Variants in TRPM3 observed in about 807,000 individuals in gnomAD.
TRPM3 encodes the protein transient receptor potential cation channel subfamily M member 3.
In TRPM3, 77 loss-of-function variants were observed where a neutral mutation model predicts 181.2. The observed-to-expected ratio is 0.42, with a 90% CI of 0.35 to 0.51. The LOEUF (loss-of-function observed/expected upper bound fraction) is 0.51. Ranked by LOEUF, TRPM3 falls within the 20% of genes least tolerant of loss-of-function variation. The pLI is 0.01. For missense variants in TRPM3, 1,759 were observed against 2,196.7 expected, an observed-to-expected ratio of 0.80 and a Z score of 3.98; for synonymous variants, 745 against 796.4, an observed-to-expected ratio of 0.94 and a Z score of 1.09.
rs144019080 is a variant in TRPM3, at chr9:71,333,701, TG to T, written c.183+112951del. Among the ~76,000 whole-genome samples the T allele has an allele frequency of 7.8e-4, 119 of 152,010 alleles. 5 individuals carry two copies. Among genetic ancestry groups the T allele is most frequent in the African/African-American group, 2.8e-3 (116 of 41,470 alleles). ...ACAAGATAACTTGAGGGCAGTTTTG[TG>T]GGAGACTTAGAGCCAGAGGTCCAGT... On this transcript the variant is annotated intron_variant, in intron 1 of 24. Transcript: ENST00000357533.
intron 1 of TRPM3, among the ~76,000 whole-genome samples, chr9:71,307,939 C>A (rs922936579): frequency 6.6e-6 from 1 of 150,940 alleles, no homozygotes; most frequent in Non-Finnish European, 1.5e-5. Context: ...ATTACTGGAG[C>A]CTTTTATTAG....
At chr9:70,808,100 A>G (rs2091091232) in intron 6 of TRPM3, among the ~76,000 whole-genome samples, 1 of 152,200 alleles carries the variant, frequency 6.6e-6, no homozygotes, top group African/African-American at 2.4e-5. Flanking sequence ...CAGATGAAAA[A>G]TATGAAAGGT....
chr9:70,879,672 T>C (rs1314974854), intron 1 of TRPM3, among the ~76,000 whole-genome samples: 1 of 152,166 alleles, frequency 6.6e-6, no homozygotes, highest in Non-Finnish European at 1.5e-5. Flanking sequence ...ATAGATATTA[T>C]ACAGTTATCA....
Position 70,628,106 on chromosome 9 carries a change from C to G in TRPM3, c.1633-2589G>C, listed in dbSNP as rs530417850. On this transcript the variant is annotated intron_variant, in intron 12 of 25. Coordinates refer to ENST00000677713, the MANE Select transcript of TRPM3 (RefSeq NM_001366145.2). ...TCTCCATTATTTTGGGGCAGGCTAACAAGGCCACAGTTTCTGTATCCTTTG... is the reference window on the plus strand; with the variant it reads ...TCTCCATTATTTTGGGGCAGGCTAAGAAGGCCACAGTTTCTGTATCCTTTG... Among the ~76,000 whole-genome samples, 5 of 152,340 alleles carry G rather than the reference C, an allele frequency of 3.3e-5. No individual in the cohort carries two copies. In the South Asian group the frequency reaches 6.2e-4, roughly 19 times the overall value.
rs2040788461 is a variant in TRPM3, at chr9:70,530,888, C to T, written c.*5065G>A. 1 of 152,156 alleles carries T rather than the reference C, an allele frequency of 6.6e-6. No individual in the cohort carries two copies. The highest frequency in any genetic ancestry group is 2.4e-5 in the African/African-American group (1 of 41,438). 9.4% of individuals were successfully genotyped at this position (152,156 alleles called of 1,614,324 possible). ...CAAAACTGTGCAAATTGGCTCCTCT[C>T]TTTAACAGATGTTGAATGGCTTCTA... On this transcript the variant is annotated 3_prime_UTR_variant, in exon 26 of 26. Transcript: ENST00000677713.
At chr9:71,009,134 G>A (rs1360500187) in intron 1 of TRPM3, among the ~76,000 whole-genome samples, 1 of 152,118 alleles carries the variant, frequency 6.6e-6, no homozygotes, top group Non-Finnish European at 1.5e-5. Context: ...AAAGTTGAAA[G>A]CTTCTTCTCT....
At chr9:70,991,268 C>T (rs2097481512) in intron 1 of TRPM3, among the ~76,000 whole-genome samples, 2 of 152,092 alleles carry the variant, frequency 1.3e-5, no homozygotes, top group Non-Finnish European at 2.9e-5. Context: ...TTATTGTTTA[C>T]ATATGTTATG....
At chr9:71,029,909 T>G (rs1466528581) in intron 1 of TRPM3, among the ~76,000 whole-genome samples, 1 of 152,136 alleles carries the variant, frequency 6.6e-6, no homozygotes, top group Non-Finnish European at 1.5e-5. Flanking sequence ...CATATTTGAG[T>G]CAGGTACCAG....
In TRPM3 at chr9:71,145,507, G is replaced by A. The variant is rs2075356469; in HGVS notation, c.184-280996C>T. 3.9e-5 allele frequency among the ~76,000 whole-genome samples: 6 copies of A among 152,274 alleles called. No homozygotes were observed. The South Asian group carries it at 1.2e-3, about 32-fold the overall frequency. On this transcript the variant is annotated intron_variant, in intron 1 of 24. Coordinates refer to the TRPM3 transcript ENST00000357533. ...AGTGCTCTGAAAGTCCTATTAAGCT[G>A]TTACAAAACCTGGAGTTGTCCTGCA...
chr9:71,126,690 G>C (rs1262048931), intron 1 of TRPM3, among the ~76,000 whole-genome samples: 2 of 152,124 alleles, frequency 1.3e-5, no homozygotes, highest in African/African-American at 4.8e-5. Flanking sequence ...TGTTAAGTAG[G>C]TTAAGCAGCA....
intron 1 of TRPM3, among the ~76,000 whole-genome samples, chr9:71,404,004 G>A (rs1310466881): frequency 6.6e-6 from 1 of 152,166 alleles, no homozygotes; most frequent in Non-Finnish European, 1.5e-5. Flanking sequence ...GGCAGAGTAA[G>A]CTAGAAAATA....
chr9:70,753,636 TAC>T, intron 8 of TRPM3, among the ~76,000 whole-genome samples: 1 of 152,122 alleles, frequency 6.6e-6, no homozygotes, highest in Non-Finnish European at 1.5e-5. Context: ...AACATGTTTT[TAC>T]ACAGATTGCT....
At chr9:71,306,339 C>T (rs2087318042) in intron 1 of TRPM3, among the ~76,000 whole-genome samples, 2 of 152,154 alleles carry the variant, frequency 1.3e-5, no homozygotes, top group South Asian at 4.1e-4. Flanking sequence ...CCATTTGTGA[C>T]TGGGAACCCC....
intron 1 of TRPM3, among the ~76,000 whole-genome samples, chr9:71,146,499 T>C (rs1191867511): frequency 6.6e-6 from 1 of 152,178 alleles, no homozygotes; most frequent in Non-Finnish European, 1.5e-5. Flanking sequence ...TACATTTCTT[T>C]TCTGTCACAT....
chr9:71,035,381 G>T (rs961204949), intron 1 of TRPM3, among the ~76,000 whole-genome samples: 2 of 152,152 alleles, frequency 1.3e-5, no homozygotes, highest in African/African-American at 4.8e-5. Flanking sequence ...GCACTAGAAG[G>T]CATAAATTTA....
chr9:70,680,789 G>T (rs2065220143), intron 9 of TRPM3, among the ~76,000 whole-genome samples: 1 of 152,200 alleles, frequency 6.6e-6, no homozygotes, highest in South Asian at 2.1e-4. Context: ...CAAATTAGTA[G>T]TGAAGTGTAA....
chr9:71,015,354 T>A (rs571154207), intron 1 of TRPM3, among the ~76,000 whole-genome samples: 1 of 152,316 alleles, frequency 6.6e-6, no homozygotes, highest in Non-Finnish European at 1.5e-5. Flanking sequence ...CTATTAGTTG[T>A]AGGTAATGCC....
chr9:70,800,485 G>A (rs1197057493), intron 6 of TRPM3, among the ~76,000 whole-genome samples: 1 of 152,098 alleles, frequency 6.6e-6, no homozygotes, highest in Non-Finnish European at 1.5e-5. Flanking sequence ...TGAACAACAT[G>A]GGTTTGAACT....
At position 70,618,979 on chromosome 9, in the gene TRPM3, T is replaced by G. The variant is rs777688867; in HGVS notation, c.2246A>C (p.Gln749Pro). 6 of 1,614,208 alleles carry G rather than the reference T, an allele frequency of 3.7e-6. No homozygotes were observed. The South Asian group carries it at 6.6e-5, about 18-fold the overall frequency. The change falls in exon 17 of 26, where the codon CAG becomes CCG. Residue 749 changes from glutamine to proline, a missense_variant. By Grantham distance (76) the Gln-to-Pro change is moderately conservative (BLOSUM62 -1). Transcript: ENST00000677713. ...LKNWSNATCL[Q>P]LAVAAKHRDF... is the part of the protein sequence containing the mutation. Reference sequence around the variant, plus strand: ...GCGGTGTTTGGCAGCCACGGCAAGCTGCAGGCACGTGGCGTTGCTCCAGTT... The same window carrying G: ...GCGGTGTTTGGCAGCCACGGCAAGCGGCAGGCACGTGGCGTTGCTCCAGTT...
Sources: gnomAD v4.1 joint callset for allele counts (sites outside exome capture counted in the v4.1 genomes callset) on GRCh38, gnomAD v4.1.1 for gene constraint, MANE v1.5 for transcripts, NCBI Gene and HGNC (gene_info 2026-07-23, HGNC 2026-07-21) for gene names.